Variants in TOX4 observed in about 807,000 individuals in gnomAD.
TOX4 encodes TOX high mobility group box family member 4, also known as epidermal Langerhans cell protein LCP1.
In TOX4, 12 loss-of-function variants were observed where a neutral mutation model predicts 61.0. That is an observed-to-expected ratio of 0.20 (90% CI 0.13 to 0.32). TOX4 has a LOEUF of 0.32. TOX4 is among the 10% of genes least tolerant of loss of function. TOX4 has a pLI of 1.00. For missense variants in TOX4, 499 were observed against 753.3 expected, an observed-to-expected ratio of 0.66 and a Z score of 3.95; for synonymous variants, 268 against 274.8, an observed-to-expected ratio of 0.98 and a Z score of 0.24.
chr14:21,488,915 G>A, intron 4 of TOX4, 65 bp downstream of exon 4: 5 of 1,586,820 alleles, frequency 3.2e-6, no homozygotes, highest in Non-Finnish European at 4.3e-6. Context: ...TTGGGATACA[G>A]AGCCTAATCA....
At chr14:21,493,595 C>A (rs1318574818) in intron 7 of TOX4, among the ~76,000 whole-genome samples, 1 of 152,032 alleles carries the variant, frequency 6.6e-6, no homozygotes, top group African/African-American at 2.4e-5. Context: ...GCATGTGCCA[C>A]CATGTCCGGC....
intron 2 of TOX4, among the ~76,000 whole-genome samples, chr14:21,479,373 G>A (rs1030728492): frequency 4.0e-5 from 6 of 151,500 alleles, no homozygotes; most frequent in Non-Finnish European, 8.8e-5. Context: ...AGGTGAGGCG[G>A]GGTGCGGTGG....
intron 2 of TOX4, among the ~76,000 whole-genome samples, chr14:21,483,802 T>TTGTG (rs35731052): frequency 6.6e-6 from 1 of 151,328 alleles, no homozygotes; most frequent in African/African-American, 2.4e-5. Flanking sequence ...TTTTTGTTAT[T>TTGTG]TGTGTGTGTG....
chr14:21,477,590 G>T (rs1891019430), intron 2 of TOX4, 26 bp downstream of exon 2: 1 of 1,612,664 alleles, frequency 6.2e-7, no homozygotes, highest in Non-Finnish European at 8.5e-7. Context: ...CGACGCCGCG[G>T]GGGTAGGGCC....
chr14:21,488,781 A>AGAT lies in TOX4; in HGVS notation c.511_513dup (p.Asp171dup), dbSNP rs1465722381. 3 of 1,614,110 alleles carry AGAT rather than the reference A, an allele frequency of 1.9e-6. No homozygotes were observed. In the East Asian group the frequency reaches 6.7e-5, roughly 36 times the overall value. On this transcript the variant is annotated inframe_insertion, in exon 4 of 9. Transcript: ENST00000448790. ...TCCTGCCACCTGCCCAGTCACCTGAAGATCGTCTTTCAACCACCCCTTCAC... is the reference window on the plus strand; with the variant it reads ...TCCTGCCACCTGCCCAGTCACCTGAAGATGATCGTCTTTCAACCACCCCTTCAC...
In TOX4 at chr14:21,497,068, A is replaced by G. The variant is rs1891419107; in HGVS notation, c.*462A>G. On this transcript the variant is annotated 3_prime_UTR_variant, in exon 9 of 9. Transcript: ENST00000448790. Reference sequence around the variant, plus strand: ...ATTATCACATCAGTACACTGCTTTGAAAACAAAACTTTTCAACATGGGCAT... The same window carrying G: ...ATTATCACATCAGTACACTGCTTTGGAAACAAAACTTTTCAACATGGGCAT... 6.5e-6 allele frequency: 1 copy of G among 154,676 alleles called. No individual in the cohort carries two copies. Among genetic ancestry groups the G allele is most frequent in the Admixed American group, 6.3e-5 (1 of 15,774 alleles). 9.6% of individuals were successfully genotyped at this position (154,676 alleles called of 1,614,324 possible).
chr14:21,491,494 G>C (rs1425087028), intron 5 of TOX4, among the ~76,000 whole-genome samples: 2 of 151,936 alleles, frequency 1.3e-5, no homozygotes, highest in Admixed American at 6.6e-5. Context: ...TGAGTAGCTG[G>C]ACTATAGGCG....
At chr14:21,479,622 TA>T (rs1719801943) in intron 2 of TOX4, among the ~76,000 whole-genome samples, 1 of 152,188 alleles carries the variant, frequency 6.6e-6, no homozygotes, top group Non-Finnish European at 1.5e-5. Flanking sequence ...TACTCCAGCC[TA>T]GGTGAACGAG....
rs1307844565 is a variant in TOX4 at position 21,477,504 on chromosome 14, A to C, written c.15A>C (p.Gly5=). The change falls in exon 2 of 9, where the codon GGA becomes GGC. Residue 5 remains glycine (G), a synonymous_variant. Coordinates refer to ENST00000448790, the MANE Select transcript of TOX4 (RefSeq NM_014828.4). MEFP[G]GNDNYLTITG... ...TTTCTTTTGGTTTCCAGTTTCCCGG[A>C]GGAAATGACAATTACCTGACGATCA... 4.3e-6 allele frequency: 7 copies of C among 1,613,466 alleles called. No homozygotes were observed. The highest frequency in any genetic ancestry group is 5.9e-6 in the Non-Finnish European group (7 of 1,180,026).
At chr14:21,494,019 G>C (rs1305406675) in intron 7 of TOX4, among the ~76,000 whole-genome samples, 1 of 152,192 alleles carries the variant, frequency 6.6e-6, no homozygotes, top group Non-Finnish European at 1.5e-5. Context: ...AGAGTGCAGG[G>C]ATTACAGGCG....
rs1891421066 is a variant in TOX4, at chr14:21,497,163, C to T, written c.*557C>T. ...TTATATATATTATTTCTGCAGTTAC[C>T]ATCCTTATCTGAGTTATCACAGTTC... On this transcript the variant is annotated 3_prime_UTR_variant, in exon 9 of 9. Transcript: ENST00000448790. The T allele has an allele frequency of 6.6e-6, 1 of 152,450 alleles. No homozygotes were observed. Among genetic ancestry groups the T allele is most frequent in the Non-Finnish European group, 1.5e-5 (1 of 68,246 alleles). 9.4% of individuals were successfully genotyped at this position (152,450 alleles called of 1,614,324 possible). A position where few individuals can be genotyped will look rare whatever the true frequency, so the allele number is the denominator to read the frequency against.
rs896076369 is a variant in TOX4, at chr14:21,498,477, T to C, written c.*1871T>C. The C allele has an allele frequency of 1.6e-5, 16 of 1,011,434 alleles. No homozygotes were observed. The highest frequency in any genetic ancestry group is 8.1e-5 in the African/African-American group (5 of 61,964). 62.7% of individuals were successfully genotyped at this position (1,011,434 alleles called of 1,614,324 possible). ...AGACTGCCTATCATCATATCAAATA[T>C]GCCAATTCTAAAAAGAGCTTAACAT... On this transcript the variant is annotated 3_prime_UTR_variant, in exon 9 of 9. Transcript: ENST00000448790.
chr14:21,477,353 G>A lies in TOX4; in HGVS notation c.6+69G>A. Reference sequence around the variant, plus strand: ...GACCGGGTTGAAGCAGGGACGGGAAGCCGGGCGGAGAGGCGACTGACGGGA... The same window carrying A: ...GACCGGGTTGAAGCAGGGACGGGAAACCGGGCGGAGAGGCGACTGACGGGA... On this transcript the variant is annotated intron_variant, in intron 1 of 8. Transcript: ENST00000448790. 2.5e-6 allele frequency: 4 copies of A among 1,613,804 alleles called. No homozygotes were observed. The South Asian group carries it at 4.4e-5, about 18-fold the overall frequency.
chr14:21,486,213 T>A (rs2139622266), intron 2 of TOX4, among the ~76,000 whole-genome samples: 1 of 104,292 alleles, frequency 9.6e-6, no homozygotes, highest in Non-Finnish European at 2.1e-5. Flanking sequence ...ATTTAAAGAA[T>A]GCATTGTTCA....
intron 2 of TOX4, among the ~76,000 whole-genome samples, chr14:21,484,279 C>CT (rs765106057): frequency 7.0e-6 from 1 of 143,692 alleles, no homozygotes; most frequent in Non-Finnish European, 1.5e-5. Context: ...CACAGGCACA[C>CT]TTTTTTCTCC....
chr14:21,493,807 G>A (rs1225202411), intron 7 of TOX4, among the ~76,000 whole-genome samples: 1 of 150,810 alleles, frequency 6.6e-6, no homozygotes, highest in African/African-American at 2.4e-5. Flanking sequence ...CTGGAGTGCA[G>A]TGGTGTAATC....
In TOX4 at chr14:21,496,675, C is replaced by A; in HGVS notation, c.*69C>A. On this transcript the variant is annotated 3_prime_UTR_variant, in exon 9 of 9. Transcript: ENST00000448790. ...AGTGTCCAAGAGCCTGTTTTTGAAACACAAGCTGGGCTTCTGGTAGTGCCT... is the reference window on the plus strand; with the variant it reads ...AGTGTCCAAGAGCCTGTTTTTGAAAAACAAGCTGGGCTTCTGGTAGTGCCT... The A allele has an allele frequency of 7.0e-7, 1 of 1,427,082 alleles. No individual in the cohort carries two copies. The highest frequency in any genetic ancestry group is 9.8e-7 in the Non-Finnish European group (1 of 1,017,548). 88.4% of individuals were successfully genotyped at this position (1,427,082 alleles called of 1,614,324 possible).
At position 21,489,488 on chromosome 14, in the gene TOX4, T is replaced by G. The variant is rs575685816; in HGVS notation, c.810+85T>G. 42 of 1,167,630 alleles carry G rather than the reference T, an allele frequency of 3.6e-5. No homozygotes were observed. The South Asian group carries it at 6.1e-4, about 17-fold the overall frequency. 72.3% of individuals were successfully genotyped at this position (1,167,630 alleles called of 1,614,324 possible). A position where few individuals can be genotyped will look rare whatever the true frequency, so the allele number is the denominator to read the frequency against. ...TTGAGGTTTTCTTTTTTCTTACATGTCCTTATCTAATATCAGCTGTTTGTT... is the reference window on the plus strand; with the variant it reads ...TTGAGGTTTTCTTTTTTCTTACATGGCCTTATCTAATATCAGCTGTTTGTT... On this transcript the variant is annotated intron_variant, in intron 5 of 8. Transcript: ENST00000448790.
At chr14:21,479,646 T>TCAAA (rs969088402) in intron 2 of TOX4, among the ~76,000 whole-genome samples, 4 of 152,188 alleles carry the variant, frequency 2.6e-5, no homozygotes, top group African/African-American at 7.2e-5. Context: ...AGACTCCATC[T>TCAAA]CAAACAAACA....
Sources: allele counts gnomAD v4.1 joint callset (sites outside exome capture counted in the v4.1 genomes callset), GRCh38; gene constraint gnomAD v4.1.1; transcripts MANE v1.5; gene names NCBI Gene and HGNC (gene_info 2026-07-23, HGNC 2026-07-21).